The following SAMD5 variants were observed in gnomAD, a reference collection of about 807,000 sequenced individuals.
The protein encoded by SAMD5 is sterile alpha motif domain-containing protein 5.
SAMD5 carries 13 observed loss-of-function variants against 11.3 expected under a neutral mutation model. That is an observed-to-expected ratio of 1.15 (90% CI 0.75 to 1.83). The LOEUF is 1.83. Among genes scored for constraint, SAMD5 ranks in the 40% most tolerant of loss-of-function variants. The pLI is 0.00. For synonymous variants in SAMD5, 129 were observed against 111.3 expected (o/e 1.16, Z -1.00); for missense variants, 255 against 239.1 (o/e 1.07, Z -0.44).
downstream of SAMD5, among the ~76,000 whole-genome samples, chr6:147,738,688 A>T (rs2128460577): frequency 6.6e-6 from 1 of 152,268 alleles, no homozygotes; most frequent in African/African-American, 2.4e-5. Context: ...ACAAACTCAG[A>T]GTTCACAAGG....
the SAMD5 span, among the ~76,000 whole-genome samples, chr6:147,883,401 G>C: frequency 6.6e-6 from 1 of 152,170 alleles, no homozygotes; most frequent in Non-Finnish European, 1.5e-5. Context: ...TAAAGATACA[G>C]ACGATAAAGA....
intron 1 of SAMD5, among the ~76,000 whole-genome samples, chr6:147,587,268 C>T (rs1789387103): frequency 6.6e-6 from 1 of 152,066 alleles, no homozygotes; most frequent in Non-Finnish European, 1.5e-5. Context: ...GATGGAGTTT[C>T]ACGCTGTTGT....
At chr6:147,817,418 T>C in the SAMD5 span, among the ~76,000 whole-genome samples, 1 of 152,262 alleles carries the variant, frequency 6.6e-6, no homozygotes, top group East Asian at 1.9e-4. Flanking sequence ...TGATTGATGC[T>C]TCTTTCTGAT....
chr6:147,741,149 C>T (rs1428535133), downstream of SAMD5, among the ~76,000 whole-genome samples: 1 of 152,058 alleles, frequency 6.6e-6, no homozygotes, highest in African/African-American at 2.4e-5. Context: ...GACATATGGA[C>T]ATTAGATCTA....
Position 147,542,381 on chromosome 6 carries a change from G to A in SAMD5, c.460-22013G>A, listed in dbSNP as rs187218864. Among the ~76,000 whole-genome samples, 60 of 152,288 alleles carry A rather than the reference G, an allele frequency of 3.9e-4. No homozygotes were observed. In the East Asian group the frequency reaches 0.01, roughly 26 times the overall value. ...CCTTGCGCACTACCTGGACAGAGCC[G>A]ATTCAACAAGACAGGGGAATTGCAA... On this transcript the variant is annotated intron_variant, in intron 1 of 1. Transcript: ENST00000367474.
intron 1 of SAMD5, among the ~76,000 whole-genome samples, chr6:147,623,559 G>T (rs142095896): frequency 2.6e-5 from 4 of 152,134 alleles, no homozygotes; most frequent in Non-Finnish European, 5.9e-5. Context: ...TGCCATTTTC[G>T]TGATGTATTT....
chr6:147,620,371 C>G (rs1380808781), intron 1 of SAMD5, among the ~76,000 whole-genome samples: 2 of 152,238 alleles, frequency 1.3e-5, no homozygotes, highest in East Asian at 3.9e-4. Flanking sequence ...GATCACTTCT[C>G]TATTTAGCGC....
intron 1 of SAMD5, among the ~76,000 whole-genome samples, chr6:147,595,969 G>C (rs1343468116): frequency 6.6e-6 from 1 of 152,058 alleles, no homozygotes; most frequent in African/African-American, 2.4e-5. Context: ...CATGAATGTG[G>C]GATAGACTTT....
chr6:147,616,201 T>C (rs57299291), intron 1 of SAMD5, among the ~76,000 whole-genome samples: 16,410 of 131,474 alleles, frequency 0.12, 2,910 homozygotes, highest in African/African-American at 0.38. Flanking sequence ...CATATATATT[T>C]ATTCATATAT....
chr6:147,769,639 G>C, the SAMD5 span, among the ~76,000 whole-genome samples: 1 of 152,200 alleles, frequency 6.6e-6, no homozygotes, highest in South Asian at 2.1e-4. Flanking sequence ...TGTCAGTAAT[G>C]TGTTCCCAAG....
chr6:147,522,204 G>A (rs1721545768), intron 1 of SAMD5, among the ~76,000 whole-genome samples: 1 of 152,014 alleles, frequency 6.6e-6, no homozygotes, highest in Non-Finnish European at 1.5e-5. Context: ...TTATTGCATT[G>A]GCTAGAATTT....
chr6:147,625,791 G>A lies in SAMD5; in HGVS notation c.163-111526G>A, dbSNP rs139516440. Among the ~76,000 whole-genome samples the A allele has an allele frequency of 1.2e-3, 179 of 152,284 alleles. 3 individuals are homozygous for A. The South Asian group carries it at 0.017, about 14-fold the overall frequency. ...TTCAAACCTAAAGTATTTACTATCT[G>A]GTTCTTTAGAGAAAGAGTTTGCTGG... On this transcript the variant is annotated intron_variant, in intron 1 of 1. Transcript: ENST00000566741.
At chr6:147,905,140 G>A in the SAMD5 span, among the ~76,000 whole-genome samples, 1 of 152,008 alleles carries the variant, frequency 6.6e-6, no homozygotes, top group South Asian at 2.1e-4. Context: ...CACCCGCCTC[G>A]GCCTCCCAAA....
the SAMD5 span, among the ~76,000 whole-genome samples, chr6:147,954,477 T>G: frequency 9.2e-5 from 14 of 152,130 alleles, no homozygotes; most frequent in Admixed American, 7.2e-4. Flanking sequence ...TTTTATAAAT[T>G]TATTGTGGCC....
At chr6:147,812,046 G>A in the SAMD5 span, among the ~76,000 whole-genome samples, 1 of 152,132 alleles carries the variant, frequency 6.6e-6, no homozygotes, top group South Asian at 2.1e-4. Flanking sequence ...GAGGGCAGGA[G>A]GGAGGTAGCC....
At chr6:147,690,926 G>A (rs529034701) in intron 1 of SAMD5, among the ~76,000 whole-genome samples, 35 of 150,142 alleles carry the variant, frequency 2.3e-4, no homozygotes, top group African/African-American at 8.3e-4. Context: ...CTTTTAGCAC[G>A]GAATCTCCAG....
the SAMD5 span, among the ~76,000 whole-genome samples, chr6:147,874,221 A>G: frequency 1.3e-5 from 2 of 152,212 alleles, no homozygotes; most frequent in Non-Finnish European, 2.9e-5. Context: ...CATTACAGAA[A>G]TATTACATAT....
intron 1 of SAMD5, among the ~76,000 whole-genome samples, chr6:147,696,467 G>A (rs1791177689): frequency 6.6e-6 from 1 of 152,130 alleles, no homozygotes; most frequent in Non-Finnish European, 1.5e-5. Flanking sequence ...TGCTACCCAG[G>A]CCTCCCTGGT....
the SAMD5 span, among the ~76,000 whole-genome samples, chr6:147,898,398 A>T: frequency 1.3e-5 from 2 of 152,186 alleles, no homozygotes; most frequent in African/African-American, 4.8e-5. Context: ...TCACTTATTT[A>T]TCTCCCTCTA....
Sources: allele counts gnomAD v4.1 joint callset (sites outside exome capture counted in the v4.1 genomes callset), GRCh38; gene constraint gnomAD v4.1.1; transcripts MANE v1.5; gene names NCBI Gene and HGNC (gene_info 2026-07-23, HGNC 2026-07-21).